Variants in DLC1 observed in about 807,000 individuals in gnomAD.
DLC1 encodes rho GTPase-activating protein 7.
In DLC1, 54 loss-of-function variants were observed where a neutral mutation model predicts 140.3. The ratio of observed to expected loss-of-function variants is 0.38; its 90% CI spans 0.31 to 0.48. DLC1 has a LOEUF of 0.48. Among genes scored for constraint, DLC1 ranks in the 20% least tolerant of loss-of-function variants. The probability of loss-of-function intolerance (pLI) is 0.96; values close to 1 mark genes in which losing one functional copy is unlikely to be tolerated. For missense variants in DLC1, 2,536 were observed against 1,907.0 expected, an observed-to-expected ratio of 1.33 and a Z score of -6.14; for synonymous variants, 986 against 728.1, an observed-to-expected ratio of 1.35 and a Z score of -5.70.
intron 2 of DLC1, among the ~76,000 whole-genome samples, chr8:13,495,984 A>G (rs780845098): frequency 5.3e-5 from 8 of 152,214 alleles, no homozygotes; most frequent in Non-Finnish European, 1.2e-4. Flanking sequence ...GCTGATTACA[A>G]TTCCATAACT....
chr8:13,094,144 T>C (rs897218590), intron 12 of DLC1, among the ~76,000 whole-genome samples: 1 of 152,206 alleles, frequency 6.6e-6, no homozygotes, highest in Non-Finnish European at 1.5e-5. Flanking sequence ...TCTTCGTACC[T>C]GATCTTTATC....
chr8:13,525,925 C>T (rs952898177), intron 1 of DLC1, among the ~76,000 whole-genome samples: 1 of 152,128 alleles, frequency 6.6e-6, no homozygotes, highest in Non-Finnish European at 1.5e-5. Flanking sequence ...ATTTCTCCTA[C>T]ACTATATGCT....
intron 5 of DLC1, among the ~76,000 whole-genome samples, chr8:13,284,529 A>G (rs967952102): frequency 3.9e-5 from 6 of 152,184 alleles, no homozygotes; most frequent in African/African-American, 1.4e-4. Context: ...TCCGTCTGAA[A>G]AAAAAGTGAA....
At chr8:13,316,549 G>A (rs1253888607) in intron 4 of DLC1, among the ~76,000 whole-genome samples, 2 of 152,030 alleles carry the variant, frequency 1.3e-5, no homozygotes, top group Non-Finnish European at 2.9e-5. Context: ...TATTCCTCTT[G>A]GCTTCCAGGT....
chr8:13,153,800 C>G (rs1022782236), intron 5 of DLC1, among the ~76,000 whole-genome samples: 1 of 150,994 alleles, frequency 6.6e-6, no homozygotes, highest in Non-Finnish European at 1.5e-5. Context: ...TTTACAATCC[C>G]TGAGCTACAC....
chr8:13,320,434 G>A (rs1049410807), intron 4 of DLC1, among the ~76,000 whole-genome samples: 2 of 152,082 alleles, frequency 1.3e-5, no homozygotes, highest in South Asian at 2.1e-4. Context: ...AAAAGAAAGC[G>A]TTTGTAGCAT....
chr8:13,538,882 C>G (rs1361219715), intron 1 of DLC1, among the ~76,000 whole-genome samples: 1 of 152,118 alleles, frequency 6.6e-6, no homozygotes, highest in African/African-American at 2.4e-5. Flanking sequence ...ATAGTAATGT[C>G]GTAAATATCT....
intron 4 of DLC1, among the ~76,000 whole-genome samples, chr8:13,344,710 G>T (rs974623090): frequency 3.3e-5 from 5 of 151,982 alleles, no homozygotes; most frequent in Non-Finnish European, 5.9e-5. Context: ...TGATGACAGT[G>T]ATTATAACAC....
intron 2 of DLC1, among the ~76,000 whole-genome samples, chr8:13,429,698 C>T (rs972652720): frequency 3.3e-5 from 5 of 152,116 alleles, no homozygotes; most frequent in Non-Finnish European, 7.4e-5. Flanking sequence ...AGCAACCTTG[C>T]ATTTCTTGTT....
At chr8:13,423,148 C>G (rs1368296017) in intron 2 of DLC1, among the ~76,000 whole-genome samples, 7 of 152,174 alleles carry the variant, frequency 4.6e-5, no homozygotes, top group Admixed American at 2.6e-4. Flanking sequence ...TTTGCCTTGT[C>G]TACCAAGTTT....
chr8:13,120,356 A>AAAAATATATATATATATAT, intron 5 of DLC1, among the ~76,000 whole-genome samples: 3 of 61,134 alleles, frequency 4.9e-5, no homozygotes, highest in South Asian at 7.5e-4. Context: ...AAAAAAAAAA[A>AAAAATATATATATATATAT]ATATATATAT....
At chr8:13,497,267 C>G (rs780900286) in intron 2 of DLC1, among the ~76,000 whole-genome samples, 1 of 152,142 alleles carries the variant, frequency 6.6e-6, no homozygotes, top group African/African-American at 2.4e-5. Flanking sequence ...TATTTTAACA[C>G]TCATCCAATA....
intron 5 of DLC1, among the ~76,000 whole-genome samples, chr8:13,268,126 A>T (rs1382836096): frequency 1.3e-5 from 2 of 152,230 alleles, no homozygotes; most frequent in Non-Finnish European, 2.9e-5. Flanking sequence ...TTTCTAAATC[A>T]GTTGAGATCA....
At chr8:13,542,233 T>C (rs1803507969) in intron 1 of DLC1, among the ~76,000 whole-genome samples, 1 of 152,236 alleles carries the variant, frequency 6.6e-6, no homozygotes, top group African/African-American at 2.4e-5. Flanking sequence ...AGAGACTGTC[T>C]GTGGTATAAA....
intron 1 of DLC1, among the ~76,000 whole-genome samples, chr8:13,528,308 A>T (rs953830171): frequency 3.3e-5 from 5 of 152,262 alleles, no homozygotes; most frequent in African/African-American, 1.2e-4. Context: ...AATTTCAATG[A>T]CCAGGTTTTC....
In DLC1 at chr8:13,393,681, C is replaced by G. The variant is rs780905833; in HGVS notation, c.1186G>C (p.Gly396Arg). 12 of 1,613,462 alleles carry G rather than the reference C, an allele frequency of 7.4e-6. No individual in the cohort carries two copies. Among genetic ancestry groups the G allele is most frequent in the Non-Finnish European group, 9.3e-6 (11 of 1,179,852 alleles). Residue 396 changes from glycine (G) to arginine (R), a missense_variant, in exon 4 of 18, where the codon GGA becomes CGA. Physicochemically the swap from Gly to Arg is moderately radical, Grantham distance 125. Coordinates refer to ENST00000276297, the MANE Select transcript of DLC1 (RefSeq NM_182643.3). ...LRRHVPDLES[G>R]SESGADTISV... is the part of the protein sequence containing the mutation. ...ATGGTATCTGCTCCACTTTCAGATC[C>G]TGATTCCAGATCCTATTAAAAAACA...
At chr8:13,321,343 T>C (rs1286097505) in intron 4 of DLC1, among the ~76,000 whole-genome samples, 1 of 151,654 alleles carries the variant, frequency 6.6e-6, no homozygotes, top group African/African-American at 2.4e-5. Context: ...ATGGAGACCA[T>C]CCTGGTCAAC....
At chr8:13,272,977 T>A (rs1406526273) in intron 5 of DLC1, among the ~76,000 whole-genome samples, 2 of 152,252 alleles carry the variant, frequency 1.3e-5, no homozygotes, top group African/African-American at 4.8e-5. Flanking sequence ...CACGGTATAC[T>A]AGTACATCAT....
intron 4 of DLC1, among the ~76,000 whole-genome samples, chr8:13,312,334 CT>C (rs1832700905): frequency 1.1e-5 from 1 of 87,476 alleles, no homozygotes; most frequent in Middle Eastern, 0.014. Context: ...GCACTCCAGC[CT>C]GGGCGACAGA....
Sources: allele counts gnomAD v4.1 joint callset (sites outside exome capture counted in the v4.1 genomes callset), GRCh38; gene constraint gnomAD v4.1.1; transcripts MANE v1.5; gene names NCBI Gene and HGNC (gene_info 2026-07-23, HGNC 2026-07-21).